Variants in FSHR observed in about 807,000 individuals in gnomAD.
The protein encoded by FSHR is follicle-stimulating hormone receptor.
A neutral mutation model predicts 52.1 loss-of-function variants in FSHR; 46 were observed. The observed-to-expected ratio is 0.88, with a 90% confidence interval of 0.70 to 1.13. The LOEUF is 1.13. Among genes scored for constraint, FSHR ranks in the 50% most tolerant of loss-of-function variants. The pLI, the probability that FSHR is intolerant of heterozygous loss-of-function variation, is 0.00. For missense variants in FSHR, 964 were observed against 834.6 expected, an observed-to-expected ratio of 1.16 and a Z score of -1.91; for synonymous variants, 399 against 309.6, an observed-to-expected ratio of 1.29 and a Z score of -3.03.
intron 1 of FSHR, among the ~76,000 whole-genome samples, chr2:49,112,323 A>C (rs748449656): frequency 3.3e-5 from 5 of 152,180 alleles, no homozygotes; most frequent in Non-Finnish European, 5.9e-5. Flanking sequence ...CACACAATAG[A>C]ATACACACAC....
intron 2 of FSHR, among the ~76,000 whole-genome samples, chr2:49,022,769 G>A (rs1364960427): frequency 6.6e-6 from 1 of 152,136 alleles, no homozygotes; most frequent in African/African-American, 2.4e-5. Flanking sequence ...CATTTGTCAA[G>A]TCTTTTCCAG....
rs1028078076 is a variant in FSHR, at chr2:49,006,295, A to T, written c.374+11194T>A. Among the ~76,000 whole-genome samples the T allele has an allele frequency of 5.9e-5, 9 of 152,238 alleles. No individual in the cohort carries two copies. The East Asian group carries it at 1.7e-3, about 29-fold the overall frequency. On this transcript the variant is annotated intron_variant, in intron 4 of 9. Coordinates refer to ENST00000406846, the MANE Select transcript of FSHR (RefSeq NM_000145.4). The stretch of plus-strand genomic sequence containing the variant: ...TGTACCCTGCTACTGGTCAACTTAC[A>T]GTCCAAGTCATTCTCATTATGTCAC...
chr2:49,101,700 T>G (rs967452353), intron 1 of FSHR, among the ~76,000 whole-genome samples: 12 of 152,168 alleles, frequency 7.9e-5, no homozygotes, highest in Admixed American at 2.0e-4. Context: ...CTGAAACTTT[T>G]CTTTATAGGT....
intron 1 of FSHR, among the ~76,000 whole-genome samples, chr2:49,069,100 C>G (rs1439421651): frequency 6.6e-6 from 1 of 152,030 alleles, no homozygotes; most frequent in African/African-American, 2.4e-5. Flanking sequence ...TCCAATGGCT[C>G]CTCATCTCAC....
intron 4 of FSHR, among the ~76,000 whole-genome samples, chr2:49,007,958 G>C (rs1458438271): frequency 6.6e-6 from 1 of 151,764 alleles, no homozygotes; most frequent in African/African-American, 2.4e-5. Context: ...ACTAGTAAAT[G>C]GCAGGGTCAG....
intron 1 of FSHR, among the ~76,000 whole-genome samples, chr2:49,132,940 T>A (rs1672336709): frequency 7.3e-6 from 1 of 137,386 alleles, no homozygotes; most frequent in African/African-American, 2.8e-5. Flanking sequence ...AAGAACACAT[T>A]TATTCAAGAA....
chr2:48,987,381 T>TA (rs1463218780), intron 6 of FSHR, among the ~76,000 whole-genome samples: 18 of 151,494 alleles, frequency 1.2e-4, no homozygotes, highest in South Asian at 2.1e-4. Context: ...TTTTTTTTTT[T>TA]TATATATTTT....
chr2:49,061,059 G>A (rs1176772625), intron 2 of FSHR, among the ~76,000 whole-genome samples: 2 of 152,062 alleles, frequency 1.3e-5, no homozygotes, highest in African/African-American at 4.8e-5. Flanking sequence ...AGGGATCAAG[G>A]TAGTACTGTA....
At chr2:49,028,203 C>A (rs927083731) in intron 2 of FSHR, among the ~76,000 whole-genome samples, 2 of 152,190 alleles carry the variant, frequency 1.3e-5, no homozygotes, top group Non-Finnish European at 2.9e-5. Context: ...AGTTGTGTAA[C>A]TCAAGGCTGC....
intron 8 of FSHR, among the ~76,000 whole-genome samples, chr2:48,977,858 G>A (rs1675061767): frequency 6.6e-6 from 1 of 152,142 alleles, no homozygotes; most frequent in Admixed American, 6.5e-5. Context: ...CCTGGAACTG[G>A]TGGGCTGGAC....
intron 2 of FSHR, among the ~76,000 whole-genome samples, chr2:49,037,107 T>A (rs1668296388): frequency 6.6e-6 from 1 of 152,046 alleles, no homozygotes; most frequent in African/African-American, 2.4e-5. Context: ...GTAAGGAAAA[T>A]CTTCCCATTA....
intron 1 of FSHR, among the ~76,000 whole-genome samples, chr2:49,104,822 C>G (rs1226646356): frequency 1.4e-5 from 2 of 146,254 alleles, no homozygotes; most frequent in Non-Finnish European, 3.0e-5. Context: ...TGCTTAGCCC[C>G]AGTGCCCCCT....
chr2:49,017,551 C>T lies in FSHR; in HGVS notation c.312G>A (p.Lys104=), dbSNP rs147355964. 2.7e-5 allele frequency: 44 copies of T among 1,612,920 alleles called. No individual in the cohort carries two copies. In the African/African-American group the frequency reaches 5.6e-4, roughly 21 times the overall value. ...GGTTGATGTAGAGCAGGTTGTTGGCCTTTTCAATTCTACTGTAAAAGAAGA... is the reference window on the plus strand; with the variant it reads ...GGTTGATGTAGAGCAGGTTGTTGGCTTTTTCAATTCTACTGTAAAAGAAGA... ...LPKLHEIRIE[K]ANNLLYINPE... The change falls in exon 4 of 10, where the codon AAG becomes AAA. Residue 104 remains lysine (K), a synonymous_variant. Transcript: ENST00000406846.
intron 1 of FSHR, among the ~76,000 whole-genome samples, chr2:49,098,829 T>C (rs1184464974): frequency 6.8e-6 from 1 of 146,546 alleles, no homozygotes; most frequent in Non-Finnish European, 1.5e-5. Flanking sequence ...TATTATTATA[T>C]ATTATATATT....
At chr2:49,108,042 T>A (rs1671294321) in intron 1 of FSHR, among the ~76,000 whole-genome samples, 1 of 152,148 alleles carries the variant, frequency 6.6e-6, no homozygotes, top group Non-Finnish European at 1.5e-5. Flanking sequence ...TTGGACTCAG[T>A]GGGTTCAGTA....
intron 8 of FSHR, among the ~76,000 whole-genome samples, chr2:48,973,736 G>T (rs1674850826): frequency 6.6e-6 from 1 of 152,204 alleles, no homozygotes; most frequent in South Asian, 2.1e-4. Context: ...TTATTGCTTT[G>T]TTAGAAGATA....
At chr2:49,064,965 C>T (rs1005322171) in intron 2 of FSHR, among the ~76,000 whole-genome samples, 1 of 152,080 alleles carries the variant, frequency 6.6e-6, no homozygotes, top group Non-Finnish European at 1.5e-5. Flanking sequence ...TACATAAGAA[C>T]AGTGTGAAAG....
At chr2:49,074,032 A>G (rs1390707297) in intron 1 of FSHR, among the ~76,000 whole-genome samples, 1 of 152,104 alleles carries the variant, frequency 6.6e-6, no homozygotes, top group African/African-American at 2.4e-5. Context: ...CTATATAGAA[A>G]TGACCACAAA....
chr2:49,002,945 T>C (rs1666958055), intron 4 of FSHR, among the ~76,000 whole-genome samples: 1 of 152,108 alleles, frequency 6.6e-6, no homozygotes. Flanking sequence ...TGGATGATCA[T>C]TGTGAGGGAG....
Sources: allele counts gnomAD v4.1 joint callset (sites outside exome capture counted in the v4.1 genomes callset), GRCh38; gene constraint gnomAD v4.1.1; transcripts MANE v1.5; gene names NCBI Gene and HGNC (gene_info 2026-07-23, HGNC 2026-07-21).